The following MREG variants were observed in gnomAD, a reference collection of about 807,000 sequenced individuals.
MREG encodes the protein melanoregulin.
In MREG, 31 loss-of-function variants were observed where a neutral mutation model predicts 28.5. That is an observed-to-expected ratio of 1.09 (90% CI 0.82 to 1.47). MREG has a LOEUF of 1.47. MREG is among the 40% of genes most tolerant of loss of function. The pLI, the probability that MREG is intolerant of heterozygous loss-of-function variation, is 0.00. For synonymous variants in MREG, 106 were observed against 95.2 expected, an observed-to-expected ratio of 1.11 and a Z score of -0.66; for missense variants, 256 against 257.4, an observed-to-expected ratio of 0.99 and a Z score of 0.04.
chr2:216,028,270 C>A (rs546566502), intron 1 of MREG, among the ~76,000 whole-genome samples: 127 of 152,236 alleles, frequency 8.3e-4, no homozygotes, highest in Non-Finnish European at 1.5e-3. Flanking sequence ...AATCCCAGCA[C>A]TTTGGGAGGC....
intron 2 of MREG, among the ~76,000 whole-genome samples, chr2:215,966,241 G>C (rs1477966025): frequency 2.6e-5 from 4 of 151,980 alleles, no homozygotes; most frequent in Admixed American, 6.5e-5. Context: ...GGAATTATTA[G>C]TAAAGCTTAA....
upstream of MREG, chr2:216,013,554 T>C (rs1694376240): frequency 1.2e-5 from 2 of 166,458 alleles, no homozygotes; most frequent in Admixed American, 6.3e-5. Flanking sequence ...TGAGTTTTCT[T>C]CGGGCTTTTT....
At chr2:215,985,708 A>G (rs1348270175) in intron 2 of MREG, among the ~76,000 whole-genome samples, 1 of 152,184 alleles carries the variant, frequency 6.6e-6, no homozygotes, top group African/African-American at 2.4e-5. Context: ...GATTGTACAT[A>G]CACTGTCTTG....
chr2:215,990,868 A>G (rs1288792945), intron 2 of MREG, among the ~76,000 whole-genome samples: 2 of 152,262 alleles, frequency 1.3e-5, no homozygotes, highest in African/African-American at 4.8e-5. Flanking sequence ...GTATGTACCC[A>G]ATACAGGAGC....
intron 1 of MREG, among the ~76,000 whole-genome samples, chr2:216,019,325 A>G (rs1422542835): frequency 1.3e-5 from 2 of 152,162 alleles, no homozygotes; most frequent in Non-Finnish European, 2.9e-5. Flanking sequence ...CTGAAAAAAC[A>G]CAACTCTCTT....
chr2:215,980,928 G>C (rs989136268), intron 2 of MREG, among the ~76,000 whole-genome samples: 5 of 151,804 alleles, frequency 3.3e-5, no homozygotes, highest in Non-Finnish European at 5.9e-5. Flanking sequence ...GGAAGGGAAG[G>C]GAAGGGAACG....
At chr2:215,976,283 G>T (rs1352968187) in intron 2 of MREG, among the ~76,000 whole-genome samples, 1 of 152,158 alleles carries the variant, frequency 6.6e-6, no homozygotes, top group Non-Finnish European at 1.5e-5. Flanking sequence ...GGTTCTGTCT[G>T]GGTATCTGCC....
intron 2 of MREG, among the ~76,000 whole-genome samples, chr2:215,973,259 A>G (rs1693152509): frequency 6.6e-6 from 1 of 152,184 alleles, no homozygotes; most frequent in Non-Finnish European, 1.5e-5. Flanking sequence ...TTCCCTCCAA[A>G]CTTCTGCCTG....
rs1332869944 is a variant in MREG, at chr2:216,010,352, C to CTATTTTTTT, written c.95+2880_95+2881insAAAAAAATA. ...TCTAGAACTGTGAAAGAAAAGATTT[C>CTATTTTTTT]TCTTTTTTTTTTTTTTTTTTTTTGA... On this transcript the variant is annotated intron_variant, in intron 1 of 4. Transcript: ENST00000263268. Among the ~76,000 whole-genome samples, 88 of 75,614 alleles carry CTATTTTTTT rather than the reference C, an allele frequency of 1.2e-3. 2 individuals are homozygous for CTATTTTTTT. Among genetic ancestry groups the CTATTTTTTT allele is most frequent in the African/African-American group, 4.1e-3 (84 of 20,376 alleles). 49.6% of individuals were successfully genotyped at this position (75,614 alleles called of 152,430 possible).
At chr2:216,028,076 C>T (rs776496401) in intron 1 of MREG, among the ~76,000 whole-genome samples, 6 of 152,136 alleles carry the variant, frequency 3.9e-5, no homozygotes, top group Admixed American at 1.3e-4. Flanking sequence ...GACTTCCATA[C>T]AAGAGTTTGG....
chr2:215,998,817 TG>T (rs1260914472), intron 1 of MREG, among the ~76,000 whole-genome samples: 8 of 152,238 alleles, frequency 5.3e-5, no homozygotes, highest in African/African-American at 1.9e-4. Context: ...TGCTGTATAC[TG>T]AGTACCGGGC....
In MREG at chr2:215,948,690, G is replaced by A. The variant is rs1241981239; in HGVS notation, c.256-1577C>T. On this transcript the variant is annotated intron_variant, in intron 2 of 4. Coordinates refer to ENST00000263268, the MANE Select transcript of MREG (RefSeq NM_018000.3). ...GGAAAATACTGTGGGTGCTGAGCCT[G>A]AGTGTCTGGGTTTGAATCCCAGCTC... Among the ~76,000 whole-genome samples, 2 of 152,200 alleles carry A rather than the reference G, an allele frequency of 1.3e-5. 1 individual carries two copies.
At chr2:216,000,144 C>G (rs1166402151) in intron 1 of MREG, among the ~76,000 whole-genome samples, 1 of 152,220 alleles carries the variant, frequency 6.6e-6, no homozygotes, top group Admixed American at 6.5e-5. Context: ...CCACCCCTCA[C>G]GTTACACAAG....
At position 216,010,603 on chromosome 2, in the gene MREG, C is replaced by T. The variant is rs545539367; in HGVS notation, c.95+2630G>A. On this transcript the variant is annotated intron_variant, in intron 1 of 4. Transcript: ENST00000263268. ...TGATCTCCTGACCTTGTGATCCGGC[C>T]GCCTCGGCCTCCCAAAGTGCTGGGA... 3.4e-3 allele frequency among the ~76,000 whole-genome samples: 519 copies of T among 150,532 alleles called. 1 individual carries two copies. The highest frequency in any genetic ancestry group is 5.8e-3 in the Non-Finnish European group (393 of 67,566).
At chr2:215,994,666 T>G (rs1305192501) in intron 2 of MREG, among the ~76,000 whole-genome samples, 1 of 149,348 alleles carries the variant, frequency 6.7e-6, no homozygotes, top group Non-Finnish European at 1.5e-5. Context: ...GGAGGACCCA[T>G]CACACCAAGC....
At chr2:215,950,991 T>TTCTC (rs747817889) in intron 2 of MREG, among the ~76,000 whole-genome samples, 1 of 149,812 alleles carries the variant, frequency 6.7e-6, no homozygotes, top group East Asian at 1.9e-4. Context: ...CGCTTCCCCC[T>TTCTC]TCTCTCTCTC....
downstream of MREG, chr2:215,941,845 C>T (rs925403616): frequency 2.6e-5 from 4 of 152,176 alleles, no homozygotes; most frequent in Non-Finnish European, 4.4e-5. Flanking sequence ...TCAACCTGGC[C>T]ACTCATTGTG....
At chr2:216,003,604 A>G (rs1694075797) in intron 1 of MREG, among the ~76,000 whole-genome samples, 1 of 152,100 alleles carries the variant, frequency 6.6e-6, no homozygotes, top group Non-Finnish European at 1.5e-5. Context: ...CAAATTTCCC[A>G]TCTCCGCTGG....
At chr2:216,002,090 T>A (rs1298260689) in intron 1 of MREG, among the ~76,000 whole-genome samples, 1 of 152,116 alleles carries the variant, frequency 6.6e-6, no homozygotes, top group Non-Finnish European at 1.5e-5. Context: ...TGGTTGTGTT[T>A]CCCCTGGCCA....
Sources: allele counts gnomAD v4.1 joint callset (sites outside exome capture counted in the v4.1 genomes callset), GRCh38; gene constraint gnomAD v4.1.1; transcripts MANE v1.5; gene names NCBI Gene and HGNC (gene_info 2026-07-23, HGNC 2026-07-21).